The following FAM107B variants were observed in gnomAD, a reference collection of about 807,000 sequenced individuals.
FAM107B encodes the protein protein FAM107B.
A neutral mutation model predicts 31.5 loss-of-function variants in FAM107B; 21 were observed. The ratio of observed to expected loss-of-function variants is 0.67; its 90% CI spans 0.47 to 0.96. The LOEUF is 0.96. FAM107B is among the 40% of genes least tolerant of loss of function. FAM107B has a pLI of 0.00. For missense variants in FAM107B, 452 were observed against 377.1 expected, an observed-to-expected ratio of 1.20 and a Z score of -1.64; for synonymous variants, 157 against 141.5, an observed-to-expected ratio of 1.11 and a Z score of -0.78.
intron 1 of FAM107B, among the ~76,000 whole-genome samples, chr10:14,717,243 A>G (rs1368514360): frequency 6.6e-6 from 1 of 152,234 alleles, no homozygotes; most frequent in Non-Finnish European, 1.5e-5. Context: ...ACAAAAGCTC[A>G]GAAAGCCCAG....
intron 1 of FAM107B, 37 bp from the exon 2 acceptor site, chr10:14,667,728 A>G (rs1854442788): frequency 6.2e-7 from 1 of 1,611,112 alleles, no homozygotes; most frequent in Non-Finnish European, 8.5e-7. Flanking sequence ...AAGCAGGGAG[A>G]AAGTAAAAAT....
chr10:14,539,444 G>C (rs938776240), intron 2 of FAM107B, among the ~76,000 whole-genome samples: 2 of 151,746 alleles, frequency 1.3e-5, no homozygotes, highest in Non-Finnish European at 2.9e-5. Context: ...CTAAAAAGAG[G>C]CATTTTCTAT....
intron 1 of FAM107B, among the ~76,000 whole-genome samples, chr10:14,773,442 G>T (rs1442508456): frequency 6.6e-6 from 1 of 152,170 alleles, no homozygotes; most frequent in East Asian, 1.9e-4. Context: ...AAGCTACTTG[G>T]CTAGGAAATG....
intron 1 of FAM107B, among the ~76,000 whole-genome samples, chr10:14,713,856 GA>G (rs1855718585): frequency 6.6e-6 from 1 of 152,190 alleles, no homozygotes; most frequent in East Asian, 1.9e-4. Flanking sequence ...CCATAATAAA[GA>G]ATAAGATCAT....
chr10:14,550,608 C>T (rs983062388), intron 2 of FAM107B, among the ~76,000 whole-genome samples: 1 of 152,180 alleles, frequency 6.6e-6, no homozygotes, highest in African/African-American at 2.4e-5. Flanking sequence ...CCACCTGATA[C>T]GAAGTCCACA....
At chr10:14,723,675 G>T in intron 1 of FAM107B, 1 of 746,380 alleles carries the variant, frequency 1.3e-6, no homozygotes, top group Non-Finnish European at 2.5e-6. Context: ...AGTCAGCTCT[G>T]GGGTCAGTAA....
At chr10:14,593,630 G>T (rs568356288) in intron 2 of FAM107B, among the ~76,000 whole-genome samples, 1 of 151,874 alleles carries the variant, frequency 6.6e-6, no homozygotes, top group South Asian at 2.1e-4. Context: ...GGAAGTGGGG[G>T]TTGCAGTGAG....
At chr10:14,655,653 C>G (rs903985792) in intron 2 of FAM107B, among the ~76,000 whole-genome samples, 2 of 152,184 alleles carry the variant, frequency 1.3e-5, no homozygotes, top group Non-Finnish European at 2.9e-5. Flanking sequence ...GACCCTGAGG[C>G]AGGGATTCAG....
At chr10:14,586,683 T>G (rs528037040) in intron 2 of FAM107B, among the ~76,000 whole-genome samples, 1 of 152,250 alleles carries the variant, frequency 6.6e-6, no homozygotes, top group Admixed American at 6.5e-5. Context: ...GTTCCCAACC[T>G]CCAGAACTGT....
intron 1 of FAM107B, among the ~76,000 whole-genome samples, chr10:14,765,814 G>T (rs537265281): frequency 6.6e-6 from 1 of 152,304 alleles, no homozygotes; most frequent in South Asian, 2.1e-4. Flanking sequence ...AGGCCCATAG[G>T]GAAAGGTAGG....
chr10:14,572,038 A>G (rs28372897), intron 2 of FAM107B: 192,058 of 985,244 alleles, frequency 0.19, 19,513 homozygotes, highest in Middle Eastern at 0.27. Context: ...AGCACCCAAA[A>G]CAAGAATTAA....
chr10:14,618,965 T>C (rs1369152894), intron 2 of FAM107B, among the ~76,000 whole-genome samples: 1 of 152,120 alleles, frequency 6.6e-6, no homozygotes, highest in Admixed American at 6.5e-5. Flanking sequence ...AGGAAGAAGA[T>C]GGTCTTGTGA....
intron 1 of FAM107B, among the ~76,000 whole-genome samples, chr10:14,746,960 T>A (rs578000798): frequency 6.6e-6 from 1 of 152,354 alleles, no homozygotes; most frequent in South Asian, 2.1e-4. Context: ...TTTTACATAA[T>A]CCCATCATTC....
chr10:14,622,062 T>G (rs755190157), intron 2 of FAM107B, among the ~76,000 whole-genome samples: 5 of 152,184 alleles, frequency 3.3e-5, no homozygotes, highest in African/African-American at 4.8e-5. Flanking sequence ...TGGAGTAACA[T>G]TCCTGGCTTT....
At chr10:14,582,635 C>A (rs962463155) in intron 2 of FAM107B, among the ~76,000 whole-genome samples, 8 of 151,954 alleles carry the variant, frequency 5.3e-5, no homozygotes, top group African/African-American at 1.7e-4. Flanking sequence ...CCTCGGCCTC[C>A]CAAAGAGCTG....
chr10:14,527,059 G>A (rs1846329823), intron 3 of FAM107B, among the ~76,000 whole-genome samples: 1 of 151,670 alleles, frequency 6.6e-6, no homozygotes, highest in Non-Finnish European at 1.5e-5. Flanking sequence ...GGATGGTCTT[G>A]ATCTCCTCAC....
chr10:14,625,342 C>G (rs1853132067), intron 2 of FAM107B, among the ~76,000 whole-genome samples: 1 of 151,908 alleles, frequency 6.6e-6, no homozygotes, highest in Non-Finnish European at 1.5e-5. Context: ...TCTGCTTTGT[C>G]TCAGAGTCAT....
At chr10:14,759,551 T>C (rs1833000471) in intron 1 of FAM107B, among the ~76,000 whole-genome samples, 1 of 152,164 alleles carries the variant, frequency 6.6e-6, no homozygotes, top group Non-Finnish European at 1.5e-5. Context: ...ATGAAGAACT[T>C]GAGGATGGGG....
intron 2 of FAM107B, among the ~76,000 whole-genome samples, chr10:14,600,245 C>T (rs868481413): frequency 2.7e-4 from 41 of 152,330 alleles, no homozygotes; most frequent in African/African-American, 8.4e-4. Flanking sequence ...CAACCGGCTT[C>T]CCAGGGCTAC....
Sources: allele counts gnomAD v4.1 joint callset (sites outside exome capture counted in the v4.1 genomes callset), GRCh38; gene constraint gnomAD v4.1.1; transcripts MANE v1.5; gene names NCBI Gene and HGNC (gene_info 2026-07-23, HGNC 2026-07-21).